Variants in ANKRD11 observed in about 807,000 individuals in gnomAD.
ANKRD11 encodes ankyrin repeat domain 11.
In ANKRD11, 17 loss-of-function variants were observed where a neutral mutation model predicts 195.7. The ratio of observed to expected loss-of-function variants is 0.09; its 90% CI spans 0.06 to 0.13. The LOEUF is 0.13. Ranked by LOEUF, ANKRD11 falls within the 10% of genes least tolerant of loss-of-function variation. The pLI is 1.00. For synonymous variants in ANKRD11, 1,953 were observed against 1,528.1 expected (o/e 1.28, Z -6.49); for missense variants, 3,735 against 3,566.1 (o/e 1.05, Z -1.21).
chr16:89,435,650 G>A lies in ANKRD11; in HGVS notation c.-144-17282C>T, dbSNP rs892605818. On this transcript the variant is annotated intron_variant, in intron 1 of 12. Transcript: ENST00000301030. ...GTCCACAGCTTCATTCTTGAAGTCA[G>A]CGAGACCGAGAACCCACCGGAAGGA... Among the ~76,000 whole-genome samples the A allele has an allele frequency of 2.6e-5, 4 of 152,068 alleles. No individual in the cohort carries two copies. In the South Asian group the frequency reaches 8.4e-4, roughly 32 times the overall value.
At chr16:89,433,115 C>G (rs888785390) in intron 1 of ANKRD11, among the ~76,000 whole-genome samples, 1 of 152,138 alleles carries the variant, frequency 6.6e-6, no homozygotes, top group Non-Finnish European at 1.5e-5. Context: ...TTGATCCATT[C>G]AGCTTCTTTA....
At position 89,279,764 on chromosome 16, in the gene ANKRD11, C is replaced by G; in HGVS notation, c.6778G>C (p.Ala2260Pro). The G allele has an allele frequency of 6.6e-7, 1 of 1,524,876 alleles. No homozygotes were observed. The highest frequency in any genetic ancestry group is 8.8e-7 in the Non-Finnish European group (1 of 1,139,356). 94.5% of individuals were successfully genotyped at this position (1,524,876 alleles called of 1,614,324 possible). A position where few individuals can be genotyped will look rare whatever the true frequency, so the allele number is the denominator to read the frequency against. Residue 2260 changes from alanine (A) to proline (P), a missense_variant, in exon 9 of 13, where the codon GCT becomes CCT. Physicochemically the swap from Ala to Pro is conservative, Grantham distance 27 (BLOSUM62 -1). Transcript: ENST00000301030. This position sits in a 1 kb window ranked among gnomAD's most constrained non-coding sequence, Gnocchi z 5.6. ...AGGGACGCGGCGGGGGGGCCTTCAG[C>G]CTCAGCCCCCTGGTCTCCGCTCCCC... ...PLGSGDQGAE[A>P]EGPPAASLCA... is the part of the protein sequence containing the mutation.
chr16:89,396,727 C>T (rs1472797979), intron 2 of ANKRD11, among the ~76,000 whole-genome samples: 1 of 152,184 alleles, frequency 6.6e-6, no homozygotes, highest in Admixed American at 6.5e-5. Context: ...TACTCTGTCG[C>T]CCAGGCTGGA....
At chr16:89,305,118 C>G (rs1185126929) in intron 4 of ANKRD11, 88 bp downstream of exon 4, 10 of 1,554,908 alleles carry the variant, frequency 6.4e-6, no homozygotes, top group Non-Finnish European at 8.7e-6. Flanking sequence ...AGTGCAAAGC[C>G]GGAGGTGCGG....
At chr16:89,404,296 G>A (rs1287077686) in intron 2 of ANKRD11, among the ~76,000 whole-genome samples, 1 of 152,120 alleles carries the variant, frequency 6.6e-6, no homozygotes, top group Non-Finnish European at 1.5e-5. Context: ...CAAAGACTCT[G>A]AGAACATCAA....
chr16:89,294,765 C>CT (rs533568634), intron 4 of ANKRD11, among the ~76,000 whole-genome samples: 185 of 152,328 alleles, frequency 1.2e-3, no homozygotes, highest in African/African-American at 4.4e-3. Context: ...GGGTCCCGCA[C>CT]TGCCTGCCTG....
At chr16:89,354,580 A>G (rs1057068266) in intron 2 of ANKRD11, among the ~76,000 whole-genome samples, 12 of 152,228 alleles carry the variant, frequency 7.9e-5, no homozygotes, top group African/African-American at 2.9e-4. Context: ...TCATCAAAGC[A>G]TGCTTTAAAT....
rs1001277351 is a variant in ANKRD11 at position 89,337,845 on chromosome 16, C to A, written c.-59-20767G>T. On this transcript the variant is annotated intron_variant, in intron 2 of 12. Coordinates refer to ENST00000301030, the MANE Select transcript of ANKRD11 (RefSeq NM_013275.6). ...AAGGCTGGAGTCAGCAATGCCTGTT[C>A]CTCTCCCTCTGTTCTCTAATGGTGT... is the stretch of plus-strand genomic sequence containing the variant. 1.3e-5 allele frequency among the ~76,000 whole-genome samples: 2 copies of A among 152,120 alleles called. 1 individual carries two copies. Among genetic ancestry groups the A allele is most frequent in the Non-Finnish European group, 2.9e-5 (2 of 68,020 alleles).
Position 89,280,947 on chromosome 16 carries a change from C to A in ANKRD11, c.5595G>T (p.Leu1865Phe). ...TGACAACGGCAGCCGGTGGGCAGTGCAAAGCGTCGACTTTGGGCGACGGGA... is the reference window on the plus strand; with the variant it reads ...TGACAACGGCAGCCGGTGGGCAGTGAAAAGCGTCGACTTTGGGCGACGGGA... ...YGLPSPKVDA[L>F]HCPPAAVVTV... The change falls in exon 9 of 13, where the codon TTG (leucine) becomes TTT (phenylalanine). Residue 1865 changes from leucine to phenylalanine, a missense_variant. By Grantham distance (22) the Leu-to-Phe change is conservative (BLOSUM62 0). Transcript: ENST00000301030. 1 of 1,581,064 alleles carries A rather than the reference C, an allele frequency of 6.3e-7. No homozygotes were observed. The highest frequency in any genetic ancestry group is 8.6e-7 in the Non-Finnish European group (1 of 1,160,634).
intron 1 of ANKRD11, among the ~76,000 whole-genome samples, chr16:89,435,052 G>A (rs764872129): frequency 2.0e-5 from 3 of 152,284 alleles, no homozygotes; most frequent in Non-Finnish European, 2.9e-5. Context: ...CTTCTGGGTC[G>A]GGTGGGGACT....
intron 2 of ANKRD11, among the ~76,000 whole-genome samples, chr16:89,325,578 C>T (rs1190066413): frequency 1.3e-5 from 2 of 152,170 alleles, no homozygotes; most frequent in Non-Finnish European, 2.9e-5. Context: ...GGGATGCATA[C>T]TTAGTTGACA....
chr16:89,444,946 C>G (rs2043716620), intron 1 of ANKRD11, among the ~76,000 whole-genome samples: 1 of 152,124 alleles, frequency 6.6e-6, no homozygotes, highest in Non-Finnish European at 1.5e-5. Flanking sequence ...GACATCACCA[C>G]AGGAGCAGGC....
At chr16:89,308,729 C>T (rs1178660153) in intron 3 of ANKRD11, among the ~76,000 whole-genome samples, 1 of 152,226 alleles carries the variant, frequency 6.6e-6, no homozygotes, top group Non-Finnish European at 1.5e-5. Context: ...AATGACACAA[C>T]TAAACTGCCC....
At chr16:89,478,340 T>G (rs190998010) in intron 1 of ANKRD11, among the ~76,000 whole-genome samples, 1 of 152,008 alleles carries the variant, frequency 6.6e-6, no homozygotes, top group African/African-American at 2.4e-5. Flanking sequence ...GGTTGGTTTT[T>G]TTTTTAACGT....
chr16:89,399,072 A>G (rs1465770033), intron 2 of ANKRD11, among the ~76,000 whole-genome samples: 2 of 152,224 alleles, frequency 1.3e-5, no homozygotes, highest in African/African-American at 4.8e-5. Context: ...GCCTCAACAG[A>G]AACTGCATCA....
At chr16:89,297,023 T>C (rs561819767) in intron 4 of ANKRD11, among the ~76,000 whole-genome samples, 1 of 152,218 alleles carries the variant, frequency 6.6e-6, no homozygotes, top group African/African-American at 2.4e-5. Context: ...AAGCTTTCCG[T>C]GGGGTCTGGG....
At chr16:89,273,639 G>T (rs930037138) in intron 11 of ANKRD11, among the ~76,000 whole-genome samples, 1 of 151,930 alleles carries the variant, frequency 6.6e-6, no homozygotes, top group Non-Finnish European at 1.5e-5. Flanking sequence ...AGAGGTTGCA[G>T]TGAGCCAAGA....
At chr16:89,360,309 C>G (rs1555552164) in intron 2 of ANKRD11, among the ~76,000 whole-genome samples, 1 of 152,236 alleles carries the variant, frequency 6.6e-6, no homozygotes, top group Non-Finnish European at 1.5e-5. Context: ...GTTGCCCAAG[C>G]TGGCCTGAAA....
intron 1 of ANKRD11, among the ~76,000 whole-genome samples, chr16:89,457,244 C>T (rs148630414): frequency 2.8e-3 from 396 of 143,792 alleles, no homozygotes; most frequent in African/African-American, 9.2e-3. Flanking sequence ...CAGGCGTGAG[C>T]CACCGCGCCC....
Sources: allele counts gnomAD v4.1 joint callset (sites outside exome capture counted in the v4.1 genomes callset), GRCh38; gene constraint gnomAD v4.1.1; non-coding constraint Gnocchi (gnomAD v3.1); transcripts MANE v1.5; gene names NCBI Gene and HGNC (gene_info 2026-07-23, HGNC 2026-07-21).